The following ESR2 variants were observed in gnomAD, a reference collection of about 807,000 sequenced individuals.
ESR2 encodes estrogen receptor beta.
Under a neutral mutation model 49.6 loss-of-function variants are expected in ESR2, and 36 were observed. That is an observed-to-expected ratio of 0.73 (90% CI 0.56 to 0.96). The LOEUF (loss-of-function observed/expected upper bound fraction) is 0.96, where lower values mean the gene tolerates loss of function less well. Ranked by LOEUF, ESR2 falls within the 40% of genes least tolerant of loss-of-function variation. The probability of loss-of-function intolerance (pLI) is 0.00; values close to 1 mark genes in which losing one functional copy is unlikely to be tolerated. For missense variants in ESR2, 714 were observed against 693.0 expected (o/e 1.03, Z -0.34); for synonymous variants, 320 against 266.1 (o/e 1.20, Z -1.97).
At chr14:64,239,818 T>C (rs2075682688) in intron 7 of ESR2, among the ~76,000 whole-genome samples, 1 of 152,220 alleles carries the variant, frequency 6.6e-6, no homozygotes. Context: ...ATATGCATAG[T>C]GGAAGAGGAT....
chr14:64,229,152 T>G lies in ESR2; in HGVS notation c.*3985A>C, dbSNP rs1006595092. On this transcript the variant is annotated 3_prime_UTR_variant, in exon 9 of 9. Transcript: ENST00000341099. ...AGATTATGCATCTTATTTTTCCATC[T>G]GTCATTGCTGCTGTTGTGTAAAGGC... Among the ~76,000 whole-genome samples, 1 of 152,194 alleles carries G rather than the reference T, an allele frequency of 6.6e-6. No homozygotes were observed. Among genetic ancestry groups the G allele is most frequent in the Non-Finnish European group, 1.5e-5 (1 of 68,038 alleles).
rs992424405 is a variant in ESR2 at position 64,229,296 on chromosome 14, G to C, written c.*3841C>G. Among the ~76,000 whole-genome samples the C allele has an allele frequency of 6.6e-6, 1 of 152,152 alleles. No homozygotes were observed. Among genetic ancestry groups the C allele is most frequent in the Admixed American group, 6.5e-5 (1 of 15,284 alleles). ...GCTCACAAAGCAGATTCTCACAGAA[G>C]CAAGTCCTGGGGCAGGAGCAATACT... On this transcript the variant is annotated 3_prime_UTR_variant, in exon 9 of 9. Coordinates refer to ENST00000341099, the MANE Select transcript of ESR2 (RefSeq NM_001437.3).
At chr14:64,227,462 G>C, downstream of ESR2, 1 of 1,510,540 alleles carries the variant, frequency 6.6e-7, no homozygotes, top group Non-Finnish European at 9.1e-7. Flanking sequence ...GGATTACAAT[G>C]ATCCCAGAGG....
At chr14:64,294,849 G>A (rs1032053586), upstream of ESR2, among the ~76,000 whole-genome samples, 1 of 152,248 alleles carries the variant, frequency 6.6e-6, no homozygotes, top group Non-Finnish European at 1.5e-5. Flanking sequence ...GAGGTGGAGG[G>A]AGTGGGTTCT....
chr14:64,293,072 TC>T (rs1208630669), intron 1 of ESR2, among the ~76,000 whole-genome samples: 2 of 152,188 alleles, frequency 1.3e-5, no homozygotes, highest in African/African-American at 4.8e-5. Context: ...GATGAACAGA[TC>T]CTTATAGTTT....
At position 64,260,497 on chromosome 14, in the gene ESR2, C is replaced by A. The variant is rs768672906; in HGVS notation, c.904G>T (p.Ala302Ser). 6 of 1,533,760 alleles carry A rather than the reference C, an allele frequency of 3.9e-6. No individual in the cohort carries two copies. Among genetic ancestry groups the A allele is most frequent in the Non-Finnish European group, 5.3e-6 (6 of 1,141,210 alleles). Reference sequence around the variant, plus strand: ...ATCATGTGTACCAACTCCTTGTCGGCCAACTTGGTCAGGGACATCATCATG... The same window carrying A: ...ATCATGTGTACCAACTCCTTGTCGGACAACTTGGTCAGGGACATCATCATG... The part of the protein sequence containing the change: ...ASMMMSLTKL[A>S]DKELVHMISW... Residue 302 changes from alanine to serine, a missense_variant, in exon 5 of 9, where the codon GCC (alanine) becomes TCC (serine). By Grantham distance (99) the Ala-to-Ser change is moderately conservative. Transcript: ENST00000341099.
intron 7 of ESR2, among the ~76,000 whole-genome samples, chr14:64,246,673 A>G (rs1360376189): frequency 7.7e-6 from 1 of 130,580 alleles, no homozygotes; most frequent in Non-Finnish European, 1.6e-5. Context: ...CGGAGGTTTC[A>G]GTGAGCCAAG....
At position 64,260,695 on chromosome 14, in the gene ESR2, C is replaced by G. The variant is rs755401425; in HGVS notation, c.706G>C (p.Asp236His). 2.4e-5 allele frequency: 38 copies of G among 1,561,938 alleles called. No homozygotes were observed. Among genetic ancestry groups the G allele is most frequent in the Non-Finnish European group, 3.3e-5 (38 of 1,150,662 alleles). Residue 236 changes from aspartate to histidine, a missense_variant, in exon 5 of 9, where the codon GAC becomes CAC. Asp to His is a moderately conservative substitution (Grantham distance 81). Transcript: ENST00000341099. ...TTGCCGGCACAGTGCAGCTGCTCGT[C>G]GGCACTTCTCTGTCTCCGCACAAGG... ...YRLVRRQRSADEQLHCAGKAK... is the reference protein window; with the variant it reads ...YRLVRRQRSAHEQLHCAGKAK...
At chr14:64,248,607 T>A (rs186051195) in intron 7 of ESR2, among the ~76,000 whole-genome samples, 1 of 152,258 alleles carries the variant, frequency 6.6e-6, no homozygotes, top group East Asian at 1.9e-4. Flanking sequence ...TTTATTTTCT[T>A]CCTTGTATGT....
At chr14:64,266,365 A>G (rs1567758790) in intron 4 of ESR2, among the ~76,000 whole-genome samples, 1 of 152,250 alleles carries the variant, frequency 6.6e-6, no homozygotes, top group African/African-American at 2.4e-5. Context: ...GAGGTGATTC[A>G]GTAGTTTGAG....
intron 7 of ESR2, among the ~76,000 whole-genome samples, chr14:64,247,984 A>G (rs1293545806): frequency 2.0e-5 from 3 of 152,206 alleles, no homozygotes; most frequent in Non-Finnish European, 4.4e-5. Context: ...ACAAAAATAC[A>G]GGAGTTTGAG....
chr14:64,330,429 CAA>C (rs35524660), intron 1 of ESR2: 25 of 140,018 alleles, frequency 1.8e-4, no homozygotes, highest in East Asian at 2.1e-4. Flanking sequence ...AACTCCATCT[CAA>C]AAAAAAAAAA....
chr14:64,227,028 C>T, downstream of ESR2: 1 of 154,584 alleles, frequency 6.5e-6, no homozygotes, highest in Non-Finnish European at 1.4e-5. Flanking sequence ...AGGCAAAGCC[C>T]CTTGTTGCCC....
chr14:64,282,260 G>A (rs1020699638), intron 2 of ESR2, among the ~76,000 whole-genome samples: 1 of 152,164 alleles, frequency 6.6e-6, no homozygotes, highest in Non-Finnish European at 1.5e-5. Flanking sequence ...CACGAGAATT[G>A]CTTGAACCCA....
At chr14:64,242,115 TTAAGATAATC>T (rs2075740885) in intron 7 of ESR2, among the ~76,000 whole-genome samples, 1 of 152,302 alleles carries the variant, frequency 6.6e-6, no homozygotes, top group African/African-American at 2.4e-5. Context: ...TGTGCATCTA[TTAAGATAATC>T]ATGGCTAGGT....
In ESR2 at chr14:64,233,096, G is replaced by A; in HGVS notation, c.*41C>T. On this transcript the variant is annotated 3_prime_UTR_variant, in exon 9 of 9. Transcript: ENST00000341099. ...CTGACACACTGGAGTTCACGCTTCAGCCTGTGACCTCTGTGGGCCAGTTCA... is the reference window on the plus strand; with the variant it reads ...CTGACACACTGGAGTTCACGCTTCAACCTGTGACCTCTGTGGGCCAGTTCA... 1 of 1,594,536 alleles carries A rather than the reference G, an allele frequency of 6.3e-7. No individual in the cohort carries two copies. The highest frequency in any genetic ancestry group is 1.1e-5 in the South Asian group (1 of 89,530).
chr14:64,290,549 T>A (rs2076855162), intron 1 of ESR2, among the ~76,000 whole-genome samples: 1 of 152,076 alleles, frequency 6.6e-6, no homozygotes, highest in Non-Finnish European at 1.5e-5. Flanking sequence ...ACTACAGGCT[T>A]GAGCCACCAT....
At chr14:64,319,664 G>A (rs1371651508) in intron 1 of ESR2, among the ~76,000 whole-genome samples, 1 of 152,122 alleles carries the variant, frequency 6.6e-6, no homozygotes, top group African/African-American at 2.4e-5. Context: ...TGGCAAATAA[G>A]CATATGAAAA....
rs1214084747 is a variant in ESR2 at position 64,294,101 on chromosome 14, G to C, written c.-159C>G. On this transcript the variant is annotated 5_prime_UTR_variant, in exon 1 of 9. Transcript: ENST00000341099. ...CACGTGCTTTTCCCGCATTAGGGGG[G>C]GTCTCCCGGCGCGCGCCCCGCCGCC... The C allele has an allele frequency of 1.3e-5, 2 of 152,368 alleles. No individual in the cohort carries two copies. Among genetic ancestry groups the C allele is most frequent in the African/African-American group, 4.8e-5 (2 of 41,466 alleles). The allele number at this position is 152,368 out of a possible 1,614,324, so 9.4% of individuals were successfully genotyped here.
Sources: gnomAD v4.1 joint callset for allele counts (sites outside exome capture counted in the v4.1 genomes callset) on GRCh38, gnomAD v4.1.1 for gene constraint, MANE v1.5 for transcripts, NCBI Gene and HGNC (gene_info 2026-07-23, HGNC 2026-07-21) for gene names.